Variants in PCDH11X observed in about 807,000 individuals in gnomAD.
PCDH11X encodes protocadherin-11 X-linked.
In PCDH11X, 18 loss-of-function variants were observed where a neutral mutation model predicts 53.3. That is an observed-to-expected ratio of 0.34 (90% confidence interval 0.23 to 0.50). The LOEUF (loss-of-function observed/expected upper bound fraction) is 0.50, where lower values mean the gene tolerates loss of function less well. Among genes scored for constraint, PCDH11X ranks in the 20% least tolerant of loss-of-function variants. PCDH11X has a pLI of 0.98. For missense variants in PCDH11X, 570 were observed against 1,032.4 expected, an observed-to-expected ratio of 0.55 and a Z score of 6.14; for synonymous variants, 279 against 393.3, an observed-to-expected ratio of 0.71 and a Z score of 3.44.
chrX:92,570,496 G>T (rs892309412), intron 10 of PCDH11X, among the ~76,000 whole-genome samples: 1 of 108,916 alleles, frequency 9.2e-6, no homozygotes, highest in Non-Finnish European at 1.9e-5. Flanking sequence ...CTCCTTTGAG[G>T]TGCCATTACA....
intron 8 of PCDH11X, among the ~76,000 whole-genome samples, chrX:92,331,262 ACCT>A (rs1262320875): frequency 4.5e-5 from 2 of 44,179 alleles, no homozygotes; most frequent in African/African-American, 2.0e-4. Context: ...TTTTCTTTCC[ACCT>A]CCTCCTCCTC....
In PCDH11X at chrX:92,121,967, A is replaced by C. The variant is rs187931265; in HGVS notation, c.3034-79408A>C. ...CAAGACTCCCTTTCAAAGAAAAAAG[A>C]AGCAGTCATTTCTGTTTTTTTTTTT... On this transcript the variant is annotated intron_variant, in intron 6 of 10. Coordinates refer to ENST00000682573, the MANE Select transcript of PCDH11X (RefSeq NM_032968.5). 1.2e-4 allele frequency among the ~76,000 whole-genome samples: 13 copies of C among 106,471 alleles called. No individual in the cohort carries two copies. In the East Asian group the frequency reaches 3.6e-3, roughly 29 times the overall value. The allele number at this position is 106,471 out of a possible 115,157, so 92.5% of individuals were successfully genotyped here. A position where few individuals can be genotyped will look rare whatever the true frequency, so the allele number is the denominator to read the frequency against.
chrX:92,007,380 T>C (rs1283568096), intron 6 of PCDH11X, among the ~76,000 whole-genome samples: 3 of 111,770 alleles, frequency 2.7e-5, no homozygotes, highest in African/African-American at 9.8e-5. Context: ...CCTCTCGCCA[T>C]AGCCACCACC....
At chrX:92,612,110 G>A (rs148886513) in intron 10 of PCDH11X, among the ~76,000 whole-genome samples, 2,838 of 110,722 alleles carry the variant, frequency 0.026, 139 homozygotes, top group East Asian at 0.17. Context: ...CTCATAGAAG[G>A]AGTTAGAGAG....
chrX:91,782,193 C>T (rs750093027), intron 1 of PCDH11X, among the ~76,000 whole-genome samples: 2 of 111,881 alleles, frequency 1.8e-5, no homozygotes, highest in East Asian at 5.8e-4. Context: ...CTTCCAGTCC[C>T]TCGCTCCTCA....
At chrX:92,472,182 C>T (rs2073278625) in intron 10 of PCDH11X, among the ~76,000 whole-genome samples, 1 of 109,753 alleles carries the variant, frequency 9.1e-6, no homozygotes, top group Non-Finnish European at 1.9e-5. Context: ...TTGCCAGCGC[C>T]TGTATCCGGA....
rs755777263 is a variant in PCDH11X at position 92,450,986 on chromosome X, C to A, written c.3344-17313C>A. ...GTGAGAATAATGAGCTTTATTTAAT[C>A]GAATGAGTTGGTTAAGTAGAGGCCT... On this transcript the variant is annotated intron_variant, in intron 9 of 10. Coordinates refer to ENST00000682573, the MANE Select transcript of PCDH11X (RefSeq NM_032968.5). Among the ~76,000 whole-genome samples the A allele has an allele frequency of 2.7e-5, 3 of 111,088 alleles. No homozygotes were observed. The East Asian group carries it at 8.5e-4, about 31-fold the overall frequency.
chrX:91,905,115 T>TA (rs1362804107), intron 6 of PCDH11X, among the ~76,000 whole-genome samples: 1 of 105,457 alleles, frequency 9.5e-6, no homozygotes, highest in Non-Finnish European at 1.9e-5. Context: ...TTATTATTAT[T>TA]ATTATTATTA....
rs1049732286 is a variant in PCDH11X at position 92,101,986 on chromosome X, A to C, written c.3034-99389A>C. 8.0e-5 allele frequency among the ~76,000 whole-genome samples: 9 copies of C among 111,982 alleles called. No homozygotes were observed. The Admixed American group carries it at 8.5e-4, about 11-fold the overall frequency. ...GTATGTGGCGATTAGGCCTGGTGGA[A>C]CTGCCATCAATAAATCAAGTGTGAT... On this transcript the variant is annotated intron_variant, in intron 6 of 10. Coordinates refer to ENST00000682573, the MANE Select transcript of PCDH11X (RefSeq NM_032968.5).
chrX:92,111,219 TAAAAAAAAAAAAA>T (rs771823629), intron 6 of PCDH11X, among the ~76,000 whole-genome samples: 9 of 19,817 alleles, frequency 4.5e-4, no homozygotes, highest in East Asian at 0.012. Flanking sequence ...CACCTAACGC[TAAAAAAAAAAAAA>T]AAAAAAAAAA....
chrX:92,360,469 A>G (rs1445248120), intron 8 of PCDH11X, among the ~76,000 whole-genome samples: 1 of 110,481 alleles, frequency 9.1e-6, no homozygotes, highest in African/African-American at 3.3e-5. Context: ...AATTGGTCCT[A>G]TCTAAATTTG....
intron 6 of PCDH11X, among the ~76,000 whole-genome samples, chrX:91,936,155 A>C (rs1263475442): frequency 9.5e-6 from 1 of 105,539 alleles, no homozygotes; most frequent in Non-Finnish European, 1.9e-5. Context: ...GGGGCCTTTA[A>C]ATTTTATTTT....
At chrX:92,409,711 G>A (rs1209483840) in intron 9 of PCDH11X, among the ~76,000 whole-genome samples, 4 of 112,034 alleles carry the variant, frequency 3.6e-5, no homozygotes, top group Non-Finnish European at 5.6e-5. Context: ...GACTTATTGG[G>A]TAGAAAAGTA....
intron 10 of PCDH11X, among the ~76,000 whole-genome samples, chrX:92,596,964 G>A (rs913268327): frequency 4.5e-5 from 5 of 111,234 alleles, no homozygotes; most frequent in South Asian, 3.7e-4. Flanking sequence ...TATTTCAATT[G>A]AAGTCAAAAT....
intron 9 of PCDH11X, among the ~76,000 whole-genome samples, chrX:92,438,390 T>C (rs985778932): frequency 9.0e-6 from 1 of 111,477 alleles, no homozygotes; most frequent in Non-Finnish European, 1.9e-5. Context: ...ATGTTAATTA[T>C]GTATCATTTA....
At chrX:91,905,909 T>C (rs1199154251) in intron 6 of PCDH11X, among the ~76,000 whole-genome samples, 1 of 111,667 alleles carries the variant, frequency 9.0e-6, no homozygotes, top group Non-Finnish European at 1.9e-5. Context: ...AATTTCTATG[T>C]AGATTAAACA....
chrX:91,788,675 A>G (rs1038917258), intron 1 of PCDH11X, among the ~76,000 whole-genome samples: 6 of 112,126 alleles, frequency 5.4e-5, no homozygotes, highest in African/African-American at 1.6e-4. Flanking sequence ...AGGCAGGAAA[A>G]TTATGCCAAA....
intron 6 of PCDH11X, among the ~76,000 whole-genome samples, chrX:92,007,160 G>A (rs2062612606): frequency 9.0e-6 from 1 of 111,696 alleles, no homozygotes; most frequent in South Asian, 3.8e-4. Flanking sequence ...TCAGCATGTG[G>A]CAAAGCCAGC....
At chrX:92,505,682 ACT>A (rs1040878805) in intron 10 of PCDH11X, among the ~76,000 whole-genome samples, 12 of 108,036 alleles carry the variant, frequency 1.1e-4, no homozygotes, top group Non-Finnish European at 1.9e-4. Flanking sequence ...AGTCATTTAG[ACT>A]CTTTTTTGAT....
Sources: allele counts gnomAD v4.1 joint callset (sites outside exome capture counted in the v4.1 genomes callset), GRCh38; gene constraint gnomAD v4.1.1; transcripts MANE v1.5; gene names NCBI Gene and HGNC (gene_info 2026-07-23, HGNC 2026-07-21).